Variants in MPHOSPH9 observed in about 807,000 individuals in gnomAD.
MPHOSPH9 encodes the protein M-phase phosphoprotein 9.
A neutral mutation model predicts 145.5 loss-of-function variants in MPHOSPH9; 88 were observed. The ratio of observed to expected loss-of-function variants is 0.60; its 90% CI spans 0.51 to 0.72. The LOEUF (loss-of-function observed/expected upper bound fraction) is 0.72, where lower values mean the gene tolerates loss of function less well. Among genes scored for constraint, MPHOSPH9 ranks in the 30% least tolerant of loss-of-function variants. The pLI is 0.00. For missense variants in MPHOSPH9, 1,238 were observed against 1,386.6 expected, an observed-to-expected ratio of 0.89 and a Z score of 1.70; for synonymous variants, 435 against 486.2, an observed-to-expected ratio of 0.89 and a Z score of 1.39.
rs371402845 is a variant in MPHOSPH9, at chr12:123,207,056, A to T, written c.1194+3000T>A. On this transcript the variant is annotated intron_variant, in intron 8 of 23. Coordinates refer to ENST00000606320, the MANE Select transcript of MPHOSPH9 (RefSeq NM_022782.4). ...ACAGCAAAAATCCTCTCTCTAATAA[A>T]AAAAAAAAAAAGTTACTGATACATA... 6.6e-5 allele frequency among the ~76,000 whole-genome samples: 10 copies of T among 151,658 alleles called. No individual in the cohort carries two copies. In the East Asian group the frequency reaches 1.3e-3, roughly 20 times the overall value.
At chr12:123,224,693 G>C (rs1039961354) in intron 3 of MPHOSPH9, among the ~76,000 whole-genome samples, 3 of 152,266 alleles carry the variant, frequency 2.0e-5, no homozygotes, top group African/African-American at 7.2e-5. Flanking sequence ...CGGATCATAG[G>C]GCAGTCCCCC....
At chr12:123,232,681 A>G (rs1387716317) in intron 1 of MPHOSPH9, among the ~76,000 whole-genome samples, 1 of 152,076 alleles carries the variant, frequency 6.6e-6, no homozygotes, top group African/African-American at 2.4e-5. Flanking sequence ...GGGAGAATCT[A>G]TGCAGTCGCC....
intron 6 of MPHOSPH9, 38 bp downstream of exon 6, chr12:123,218,338 A>G (rs1313063867): frequency 1.2e-6 from 2 of 1,611,344 alleles, no homozygotes; most frequent in Non-Finnish European, 1.7e-6. Flanking sequence ...CATAATCATC[A>G]GTACTGGAGC....
Position 123,156,534 on chromosome 12 carries a change from A to G in MPHOSPH9, c.*273T>C, listed in dbSNP as rs1482754098. On this transcript the variant is annotated 3_prime_UTR_variant, in exon 24 of 24. Coordinates refer to ENST00000606320, the MANE Select transcript of MPHOSPH9 (RefSeq NM_022782.4). ...TAGAAACAAGCTGCTTCCTCTGTTT[A>G]TATTTCCTTATTCTTGATATAAATT... is the stretch of plus-strand genomic sequence containing the variant. 2.0e-5 allele frequency: 5 copies of G among 249,880 alleles called. No individual in the cohort carries two copies. The highest frequency in any genetic ancestry group is 3.1e-5 in the Non-Finnish European group (4 of 130,800). The allele number at this position is 249,880 out of a possible 1,614,324, so 15.5% of individuals were successfully genotyped here.
intron 1 of MPHOSPH9, among the ~76,000 whole-genome samples, chr12:123,241,141 G>T (rs11057203): frequency 0.64 from 95,831 of 148,702 alleles, 34,949 homozygotes; most frequent in East Asian, 1. Context: ...ATTTGGGGTT[G>T]TTTTTTTTTT....
In MPHOSPH9 at chr12:123,162,148, G is replaced by A. The variant is rs763169566; in HGVS notation, c.3100C>T (p.Gln1034Ter). ...TCATCTAGAGGAAGAAACTGGAGTT[G>A]CTTTCTTGGATTGGTACGTTGTAAT... Reference protein sequence around the residue: ...STLQRTNPRKQLQFLPLDDSE... With the variant: ...STLQRTNPRK The change falls in exon 21 of 24, where the codon CAA (glutamine) becomes TAA (stop). Residue 1034 changes from glutamine to a stop codon, truncating the protein, a stop_gained. Coordinates refer to ENST00000606320, the MANE Select transcript of MPHOSPH9 (RefSeq NM_022782.4). LOFTEE classifies it high-confidence loss of function. 5.0e-5 allele frequency: 79 copies of A among 1,586,104 alleles called. No homozygotes were observed. The highest frequency in any genetic ancestry group is 6.5e-5 in the Non-Finnish European group (76 of 1,164,270).
At position 123,219,197 on chromosome 12, in the gene MPHOSPH9, G is replaced by A. The variant is rs192053895; in HGVS notation, c.873-698C>T. Among the ~76,000 whole-genome samples, 222 of 151,968 alleles carry A rather than the reference G, an allele frequency of 1.5e-3. 2 individuals are homozygous for A. Among genetic ancestry groups the A allele is most frequent in the Admixed American group, 4.2e-3 (64 of 15,264 alleles). On this transcript the variant is annotated intron_variant, in intron 5 of 23. Coordinates refer to ENST00000606320, the MANE Select transcript of MPHOSPH9 (RefSeq NM_022782.4). Reference sequence around the variant, plus strand: ...TGGGATTACAAGTGTGAGCCACTGCGCCCAGCCAGTTGTTTTTTCTACTAG... The same window carrying A: ...TGGGATTACAAGTGTGAGCCACTGCACCCAGCCAGTTGTTTTTTCTACTAG...
chr12:123,205,831 T>G (rs1413146001), intron 8 of MPHOSPH9, among the ~76,000 whole-genome samples: 2 of 152,192 alleles, frequency 1.3e-5, no homozygotes, highest in African/African-American at 4.8e-5. Flanking sequence ...TGCTATTGCT[T>G]TGGGCCAAGT....
chr12:123,165,196 G>T, intron 18 of MPHOSPH9, 106 bp downstream of exon 18: 2 of 1,109,516 alleles, frequency 1.8e-6, no homozygotes, highest in Non-Finnish European at 2.6e-6. Flanking sequence ...AGTTTACAGA[G>T]CTAAAACTTT....
chr12:123,228,830 GCA>G (rs1385538866), intron 2 of MPHOSPH9, among the ~76,000 whole-genome samples: 2 of 152,116 alleles, frequency 1.3e-5, no homozygotes, highest in Admixed American at 6.5e-5. Flanking sequence ...CACTAGCAAG[GCA>G]CAGTTAGCTT....
chr12:123,179,935 T>C lies in MPHOSPH9; in HGVS notation c.2345A>G (p.Asp782Gly), dbSNP rs2045052841. 2.1e-6 allele frequency: 3 copies of C among 1,434,318 alleles called. No homozygotes were observed. The highest frequency in any genetic ancestry group is 1.3e-5 in the South Asian group (1 of 75,348). 88.8% of individuals were successfully genotyped at this position (1,434,318 alleles called of 1,614,324 possible). ...AGTTAATACATTTTACCTTTTCAAATCAGAAATCTGAGTATATGCATCAAG... is the reference window on the plus strand; with the variant it reads ...AGTTAATACATTTTACCTTTTCAAACCAGAAATCTGAGTATATGCATCAAG... The part of the protein sequence containing the change: ...KLLDAYTQIS[D>G]LKRMISKLEA... The change falls in exon 15 of 24, where the codon GAT becomes GGT. Residue 782 changes from aspartate to glycine, a missense_variant. This residue lies in a region of MPHOSPH9 where 8 missense variants were observed against 26.6 expected (regional missense o/e 0.30). Coordinates refer to ENST00000606320, the MANE Select transcript of MPHOSPH9 (RefSeq NM_022782.4).
At chr12:123,172,695 A>C (rs1446527267) in intron 16 of MPHOSPH9, among the ~76,000 whole-genome samples, 2 of 151,956 alleles carry the variant, frequency 1.3e-5, no homozygotes, top group African/African-American at 4.8e-5. Flanking sequence ...GAATGTAGAA[A>C]CCATTCTTTA....
intron 7 of MPHOSPH9, among the ~76,000 whole-genome samples, chr12:123,212,993 G>A (rs946410321): frequency 1.3e-5 from 2 of 150,822 alleles, no homozygotes; most frequent in Non-Finnish European, 3.0e-5. Flanking sequence ...TTGAGCAGCT[G>A]GGATTACAGG....
intron 1 of MPHOSPH9, 32 bp downstream of exon 1, chr12:123,233,043 C>T (rs1235536175): frequency 1.3e-5 from 2 of 152,304 alleles, no homozygotes; most frequent in Non-Finnish European, 2.9e-5. Flanking sequence ...CCCCAGCGGC[C>T]TACAGCTCCC....
At chr12:123,179,842 A>G in intron 15 of MPHOSPH9, 84 bp downstream of exon 15, 1 of 715,148 alleles carries the variant, frequency 1.4e-6, no homozygotes, top group Non-Finnish European at 2.2e-6. Context: ...ATCCTCAAGA[A>G]AAACTTCCTT....
At chr12:123,208,354 T>C (rs1291145143) in intron 8 of MPHOSPH9, among the ~76,000 whole-genome samples, 2 of 151,530 alleles carry the variant, frequency 1.3e-5, no homozygotes, top group Non-Finnish European at 2.9e-5. Context: ...CTGACCAACA[T>C]GGTGAAACCC....
At chr12:123,207,576 G>A (rs570681528) in intron 8 of MPHOSPH9, among the ~76,000 whole-genome samples, 2 of 152,244 alleles carry the variant, frequency 1.3e-5, no homozygotes, top group Admixed American at 6.5e-5. Context: ...AATGAAGGCC[G>A]GGTGCACTAG....
At chr12:123,165,176 T>C in intron 18 of MPHOSPH9, 126 bp downstream of exon 18, 4 of 861,122 alleles carry the variant, frequency 4.6e-6, no homozygotes, top group Non-Finnish European at 7.1e-6. Flanking sequence ...GAAGTAGCAG[T>C]AAAATAGCAA....
intron 23 of MPHOSPH9, among the ~76,000 whole-genome samples, chr12:123,158,234 A>G (rs569205009): frequency 4.4e-4 from 67 of 152,232 alleles, no homozygotes; most frequent in African/African-American, 1.5e-3. Flanking sequence ...AGGTGATCTG[A>G]TCTGCCCACC....
Sources: allele counts gnomAD v4.1 joint callset (sites outside exome capture counted in the v4.1 genomes callset), GRCh38; gene constraint gnomAD v4.1.1; regional missense constraint gnomAD v4.1.1; transcripts MANE v1.5; gene names NCBI Gene and HGNC (gene_info 2026-07-23, HGNC 2026-07-21).